GRIN3B: variants seen among roughly 807,000 people sequenced by gnomAD.
GRIN3B encodes glutamate ionotropic receptor NMDA type subunit 3B.
In GRIN3B, 77 loss-of-function variants were observed where a neutral mutation model predicts 66.0. The observed-to-expected ratio is 1.17, with a 90% CI of 0.97 to 1.41. The LOEUF is 1.41. Among genes scored for constraint, GRIN3B ranks in the 40% most tolerant of loss-of-function variants. The probability of loss-of-function intolerance (pLI) is 0.00; values close to 1 mark genes in which losing one functional copy is unlikely to be tolerated. For synonymous variants in GRIN3B, 823 were observed against 749.7 expected (o/e 1.10, Z -1.60); for missense variants, 1,787 against 1,564.5 (o/e 1.14, Z -2.40).
At chr19:1,002,435 C>T (rs2038693629) in intron 1 of GRIN3B, among the ~76,000 whole-genome samples, 1 of 146,068 alleles carries the variant, frequency 6.8e-6, no homozygotes, top group Non-Finnish European at 1.5e-5. Context: ...CATTGCACTC[C>T]AGCCTGGGAG....
rs2038731852 is a variant in GRIN3B, at chr19:1,005,098, A to G, written c.1597A>G (p.Ser533Gly). The change falls in exon 3 of 9, where the codon AGT (serine) becomes GGT (glycine). Residue 533 changes from serine (S) to glycine (G), a missense_variant. Transcript: ENST00000234389. This position sits in a 1 kb window ranked among gnomAD's most constrained non-coding sequence, Gnocchi z 5.2. Reference sequence around the variant, plus strand: ...GGCCCACATGGCGGTCACCAGCTTCAGTATCAACTCCGCCCGCTCACAGGT... The same window carrying G: ...GGCCCACATGGCGGTCACCAGCTTCGGTATCAACTCCGCCCGCTCACAGGT... Reference protein sequence around the residue: ...GRAHMAVTSFSINSARSQVVD... With the variant: ...GRAHMAVTSFGINSARSQVVD... The G allele has an allele frequency of 1.2e-6, 2 of 1,612,562 alleles. No individual in the cohort carries two copies. The highest frequency in any genetic ancestry group is 8.5e-7 in the Non-Finnish European group (1 of 1,179,612).
At chr19:1,003,094 G>C in intron 1 of GRIN3B, 36 bp from the exon 2 acceptor site, 1 of 1,361,850 alleles carries the variant, frequency 7.3e-7, no homozygotes, top group Non-Finnish European at 9.6e-7. Flanking sequence ...TGGGGGTGGA[G>C]GTCGTCAACC....
rs778624033 is a variant in GRIN3B at position 1,003,421 on chromosome 19, T to C, written c.718T>C (p.Cys240Arg). 9 of 1,546,380 alleles carry C rather than the reference T, an allele frequency of 5.8e-6. No homozygotes were observed. The African/African-American group carries it at 9.5e-5, about 16-fold the overall frequency. The change falls in exon 2 of 9, where the codon TGT (cysteine) becomes CGT (arginine). Residue 240 changes from cysteine (C) to arginine (R), a missense_variant. By Grantham distance (180) the Cys-to-Arg change is radical (BLOSUM62 -3). Coordinates refer to ENST00000234389, the MANE Select transcript of GRIN3B (RefSeq NM_138690.3). ...APVPAAVLLG[C>R]DIARARRVLE... ...GGTACCCGCGGCGGTCCTCCTCGGC[T>C]GTGACATCGCCCGTGCCCGTCGGGT... is the stretch of plus-strand genomic sequence containing the variant.
chr19:1,004,422 C>A, intron 2 of GRIN3B, 99 bp from the exon 3 acceptor site: 1 of 1,065,400 alleles, frequency 9.4e-7, no homozygotes, highest in Non-Finnish European at 1.4e-6. Flanking sequence ...ATGATACGGA[C>A]AAGAGCGACC....
Position 1,003,566 on chromosome 19 carries a change from C to T in GRIN3B, c.863C>T (p.Pro288Leu), listed in dbSNP as rs1393829583. ...LLALGEVARP[P>L]LEAAIHDIVQ... is the part of the protein sequence containing the mutation. ...GCGCTGGGCGAGGTGGCACGACCCC[C>T]GCTGGAGGCCGCCATCCATGACATT... Residue 288 changes from proline to leucine, a missense_variant, in exon 2 of 9, where the codon CCG (proline) becomes CTG (leucine). Physicochemically the swap from Pro to Leu is moderately conservative, Grantham distance 98 (BLOSUM62 -3). Transcript: ENST00000234389. 1.9e-5 allele frequency: 28 copies of T among 1,500,966 alleles called. No homozygotes were observed. The highest frequency in any genetic ancestry group is 2.1e-5 in the Non-Finnish European group (24 of 1,131,066). The allele number at this position is 1,500,966 out of a possible 1,614,324, so 93.0% of individuals were successfully genotyped here.
intron 3 of GRIN3B, among the ~76,000 whole-genome samples, chr19:1,006,131 T>C (rs1460891797): frequency 6.6e-6 from 1 of 151,832 alleles, no homozygotes; most frequent in Non-Finnish European, 1.5e-5. Context: ...ATTACAGGCG[T>C]GAGCCACCGC....
Position 1,008,687 on chromosome 19 carries a change from C to G in GRIN3B, c.2536C>G (p.Leu846Val). Reference protein sequence around the residue: ...VLLCLGLGSALLSSLGEHAFF... With the variant: ...VLLCLGLGSAVLSSLGEHAFF... ...GCTGTGCCTGGGCCTGGGCAGCGCT[C>G]TGCTCAGCTCGCTGGGCGAGCACGC... The change falls in exon 7 of 9, where the codon CTG (leucine) becomes GTG (valine). Residue 846 changes from leucine to valine, a missense_variant. Coordinates refer to ENST00000234389, the MANE Select transcript of GRIN3B (RefSeq NM_138690.3). 1 of 1,606,716 alleles carries G rather than the reference C, an allele frequency of 6.2e-7. No individual in the cohort carries two copies. Among genetic ancestry groups the G allele is most frequent in the Non-Finnish European group, 8.5e-7 (1 of 1,179,744 alleles).
chr19:1,003,209 A>ACGCCTGG lies in GRIN3B; in HGVS notation c.507_513dup (p.Glu172ArgfsTer60). The ACGCCTGG allele has an allele frequency of 6.4e-7, 1 of 1,551,644 alleles. No homozygotes were observed. The highest frequency in any genetic ancestry group is 8.7e-7 in the Non-Finnish European group (1 of 1,150,440). ...GTGCTGGTGGCGGTGCTGCAGGCGC[A>ACGCCTGG]CGCCTGGGAAGACGTCGGCCTGGCC... is the stretch of plus-strand genomic sequence containing the variant. On this transcript the variant is annotated frameshift_variant, in exon 2 of 9. Coordinates refer to ENST00000234389, the MANE Select transcript of GRIN3B (RefSeq NM_138690.3). LOFTEE classifies it high-confidence loss of function.
intron 8 of GRIN3B, 116 bp from the exon 9 acceptor site, chr19:1,009,057 C>A: frequency 6.9e-7 from 1 of 1,444,890 alleles, no homozygotes; most frequent in Non-Finnish European, 9.3e-7. Context: ...GACGTGCACA[C>A]CGTGGCTCCC....
chr19:1,001,237 T>TGGGACCTCCTGGTCCCC (rs1478887058), intron 1 of GRIN3B, among the ~76,000 whole-genome samples: 2 of 151,878 alleles, frequency 1.3e-5, no homozygotes, highest in African/African-American at 4.8e-5. Context: ...CCCTGGTCCC[T>TGGGACCTCCTGGTCCCC]GGGACCTCCT....
rs370586596 is a variant in GRIN3B at position 1,004,695 on chromosome 19, G to A, written c.1194G>A (p.Pro398=). 49 of 1,602,960 alleles carry A rather than the reference G, an allele frequency of 3.1e-5. No individual in the cohort carries two copies. Among genetic ancestry groups the A allele is most frequent in the African/African-American group, 1.9e-4 (14 of 74,666 alleles). ...GGGACGGCCAGCTGGACTTGGAACC[G>A]GGAGGTGCCTCTGCACGGCCCCCGC... is the stretch of plus-strand genomic sequence containing the variant. ...SWRDGQLDLE[P]GGASARPPPP... is the part of the protein sequence containing the mutation. The change falls in exon 3 of 9, where the codon CCG becomes CCA. Residue 398 remains proline (P), a synonymous_variant. Coordinates refer to ENST00000234389, the MANE Select transcript of GRIN3B (RefSeq NM_138690.3).
chr19:1,004,550 G>A lies in GRIN3B; in HGVS notation c.1049G>A (p.Arg350His), dbSNP rs144334537. 72 of 1,262,298 alleles carry A rather than the reference G, an allele frequency of 5.7e-5. No homozygotes were observed. Among genetic ancestry groups the A allele is most frequent in the Non-Finnish European group, 3.1e-5 (29 of 934,836 alleles). The allele number at this position is 1,262,298 out of a possible 1,614,324, so 78.2% of individuals were successfully genotyped here. A position where few individuals can be genotyped will look rare whatever the true frequency, so the allele number is the denominator to read the frequency against. ...CTGGCCAACACGTCCTTCCAGGGCCGCACGGGCCCCGTGTGGGTGACAGGC... is the reference window on the plus strand; with the variant it reads ...CTGGCCAACACGTCCTTCCAGGGCCACACGGGCCCCGTGTGGGTGACAGGC... ...RFLANTSFQG[R>H]TGPVWVTGSS... The change falls in exon 3 of 9, where the codon CGC (arginine) becomes CAC (histidine). Residue 350 changes from arginine to histidine, a missense_variant. Coordinates refer to ENST00000234389, the MANE Select transcript of GRIN3B (RefSeq NM_138690.3).
Position 1,005,122 on chromosome 19 carries a change from G to A in GRIN3B, c.1621G>A (p.Val541Met). Reference sequence around the variant, plus strand: ...CAGTATCAACTCCGCCCGCTCACAGGTGGTGGACTTCACCAGCCCCTTCTT... The same window carrying A: ...CAGTATCAACTCCGCCCGCTCACAGATGGTGGACTTCACCAGCCCCTTCTT... Reference protein sequence around the residue: ...SFSINSARSQVVDFTSPFFST... With the variant: ...SFSINSARSQMVDFTSPFFST... The change falls in exon 3 of 9, where the codon GTG becomes ATG. Residue 541 changes from valine to methionine, a missense_variant. Physicochemically the swap from Val to Met is conservative, Grantham distance 21 (BLOSUM62 1). Coordinates refer to ENST00000234389, the MANE Select transcript of GRIN3B (RefSeq NM_138690.3). The surrounding 1 kb of genome is among the most constrained non-coding windows in gnomAD (Gnocchi z 5.2). 1 of 1,613,220 alleles carries A rather than the reference G, an allele frequency of 6.2e-7. No homozygotes were observed. Among genetic ancestry groups the A allele is most frequent in the Non-Finnish European group, 8.5e-7 (1 of 1,179,942 alleles).
rs993653927 is a variant in GRIN3B, at chr19:1,007,708, C to T, written c.2133C>T (p.Pro711=). 14 of 1,536,996 alleles carry T rather than the reference C, an allele frequency of 9.1e-6. No homozygotes were observed. The highest frequency in any genetic ancestry group is 7.0e-5 in the African/African-American group (5 of 71,750). The change falls in exon 4 of 9, where the codon CCC becomes CCT. Residue 711 remains proline, a synonymous_variant. Coordinates refer to ENST00000234389, the MANE Select transcript of GRIN3B (RefSeq NM_138690.3). This position sits in a 1 kb window ranked among gnomAD's most constrained non-coding sequence, Gnocchi z 4.4. ...SAEAYIKKSF[P]DMHAHMRRHS... is the part of the protein sequence containing the mutation. Reference sequence around the variant, plus strand: ...AGGCGTACATCAAGAAGAGCTTCCCCGACATGCACGCACACATGCGGCGCC... The same window carrying T: ...AGGCGTACATCAAGAAGAGCTTCCCTGACATGCACGCACACATGCGGCGCC...
In GRIN3B at chr19:1,005,424, G is replaced by T. The variant is rs747670580; in HGVS notation, c.1923G>T (p.Thr641=). 37 of 1,613,462 alleles carry T rather than the reference G, an allele frequency of 2.3e-5. No homozygotes were observed. The highest frequency in any genetic ancestry group is 2.4e-5 in the Non-Finnish European group (28 of 1,179,994). The part of the protein sequence containing the change: ...TVSSKTPKCP[T]GRLLMNLWAI... The stretch of plus-strand genomic sequence containing the variant: ...CCAGCAAGACGCCCAAGTGCCCCAC[G>T]GGCCGCCTGCTCATGAACCTCTGGG... The change falls in exon 3 of 9, where the codon ACG becomes ACT. Residue 641 remains threonine (T), a synonymous_variant. Transcript: ENST00000234389. This position sits in a 1 kb window ranked among gnomAD's most constrained non-coding sequence, Gnocchi z 5.2.
chr19:1,004,948 C>T lies in GRIN3B; in HGVS notation c.1447C>T (p.Leu483=), dbSNP rs749744571. The change falls in exon 3 of 9, where the codon CTG becomes TTG. Residue 483 remains leucine (L), a synonymous_variant. Coordinates refer to ENST00000234389, the MANE Select transcript of GRIN3B (RefSeq NM_138690.3). ...RKCCYGYCID[L]LERLAEDTPF... is the part of the protein sequence containing the mutation. Reference sequence around the variant, plus strand: ...GTGCTGCTACGGCTACTGCATTGACCTGCTGGAGCGGCTGGCGGAGGACAC... The same window carrying T: ...GTGCTGCTACGGCTACTGCATTGACTTGCTGGAGCGGCTGGCGGAGGACAC... The T allele has an allele frequency of 1.9e-6, 3 of 1,612,162 alleles. No individual in the cohort carries two copies. The highest frequency in any genetic ancestry group is 1.7e-5 in the Admixed American group (1 of 59,982).
rs114325123 is a variant in GRIN3B, at chr19:1,004,418, C to T, written c.1020-103C>T. On this transcript the variant is annotated intron_variant, in intron 2 of 8. Transcript: ENST00000234389. Reference sequence around the variant, plus strand: ...AGCGTCCACGTTTGTCCTCATGATACGGACAAGAGCGACCAGTGGGAATCG... The same window carrying T: ...AGCGTCCACGTTTGTCCTCATGATATGGACAAGAGCGACCAGTGGGAATCG... The T allele has an allele frequency of 1.2e-3, 1,221 of 1,009,594 alleles. 13 individuals carry two copies. In the African/African-American group the frequency reaches 0.017, roughly 14 times the overall value. The allele number at this position is 1,009,594 out of a possible 1,614,324, so 62.5% of individuals were successfully genotyped here. A position where few individuals can be genotyped will look rare whatever the true frequency, so the allele number is the denominator to read the frequency against.
In GRIN3B at chr19:1,007,540, G is replaced by A. The variant is rs1185360662; in HGVS notation, c.2053-88G>A. ...AGCCTCGGCGCCCTGCAGTGCCCAG[G>A]ACGGCCCCACCCCGGAGAACGGCGC... is the stretch of plus-strand genomic sequence containing the variant. On this transcript the variant is annotated intron_variant, in intron 3 of 8. Transcript: ENST00000234389. This position sits in a 1 kb window ranked among gnomAD's most constrained non-coding sequence, Gnocchi z 4.4. 3.7e-6 allele frequency: 5 copies of A among 1,340,494 alleles called. No individual in the cohort carries two copies. The highest frequency in any genetic ancestry group is 4.8e-6 in the Non-Finnish European group (5 of 1,045,998). 83.0% of individuals were successfully genotyped at this position (1,340,494 alleles called of 1,614,324 possible). A position where few individuals can be genotyped will look rare whatever the true frequency, so the allele number is the denominator to read the frequency against.
chr19:1,004,560 C>G lies in GRIN3B; in HGVS notation c.1059C>G (p.Pro353=), dbSNP rs757185894. ...CGTCCTTCCAGGGCCGCACGGGCCCCGTGTGGGTGACAGGCAGCTCCCAGG... is the reference window on the plus strand; with the variant it reads ...CGTCCTTCCAGGGCCGCACGGGCCCGGTGTGGGTGACAGGCAGCTCCCAGG... ...ANTSFQGRTG[P]VWVTGSSQVH... is the part of the protein sequence containing the mutation. The change falls in exon 3 of 9, where the codon CCC becomes CCG. Residue 353 remains proline (P), a synonymous_variant. Transcript: ENST00000234389. 1 of 1,609,198 alleles carries G rather than the reference C, an allele frequency of 6.2e-7. No individual in the cohort carries two copies.
Sources: allele counts gnomAD v4.1 joint callset (sites outside exome capture counted in the v4.1 genomes callset), GRCh38; gene constraint gnomAD v4.1.1; non-coding constraint Gnocchi (gnomAD v3.1); transcripts MANE v1.5; gene names NCBI Gene and HGNC (gene_info 2026-07-23, HGNC 2026-07-21).